The following TBCB variants were observed in gnomAD, a reference collection of about 807,000 sequenced individuals.
TBCB encodes tubulin folding cofactor B, also known as tubulin-folding cofactor B.
TBCB carries 18 observed loss-of-function variants against 29.2 expected under a neutral mutation model. The observed-to-expected ratio is 0.62, with a 90% CI of 0.43 to 0.91. The LOEUF is 0.91. TBCB is among the 40% of genes least tolerant of loss of function. TBCB has a pLI of 0.00. For synonymous variants in TBCB, 172 were observed against 137.8 expected, an observed-to-expected ratio of 1.25 and a Z score of -1.74; for missense variants, 336 against 337.6, an observed-to-expected ratio of 1.00 and a Z score of 0.04.
At chr19:36,117,141 C>G (rs889782968) in intron 2 of TBCB, among the ~76,000 whole-genome samples, 1 of 152,312 alleles carries the variant, frequency 6.6e-6, no homozygotes, top group East Asian at 1.9e-4. Flanking sequence ...TTCCTTTCCC[C>G]TTCTTTGCTT....
chr19:36,119,119 C>T (rs1458797475), intron 2 of TBCB, among the ~76,000 whole-genome samples: 2 of 152,126 alleles, frequency 1.3e-5, no homozygotes, highest in Admixed American at 6.5e-5. Context: ...CACAGACCTC[C>T]CAGGCCACTC....
rs879865520 is a variant in TBCB, at chr19:36,121,728, T to C, written c.547+10T>C. 2 of 1,548,296 alleles carry C rather than the reference T, an allele frequency of 1.3e-6. No individual in the cohort carries two copies. Among genetic ancestry groups the C allele is most frequent in the Non-Finnish European group, 1.7e-6 (2 of 1,146,972 alleles). On this transcript the variant is annotated intron_variant, in intron 4 of 5. Coordinates refer to ENST00000221855, the MANE Select transcript of TBCB (RefSeq NM_001281.3). ...ACCGTCATGTATGTAGGTGCGTGGC[T>C]CGCGGGCCCGGTCCCGGGCTCCAGG...
chr19:36,118,970 G>A (rs575992607), intron 2 of TBCB, among the ~76,000 whole-genome samples: 46 of 152,276 alleles, frequency 3.0e-4, no homozygotes, highest in African/African-American at 9.6e-4. Flanking sequence ...TGGAGCTGTG[G>A]GTCAGGCCTC....
At chr19:36,125,317 A>G in intron 4 of TBCB, 134 bp from the exon 5 acceptor site, 3 of 923,970 alleles carry the variant, frequency 3.2e-6, no homozygotes, top group Non-Finnish European at 5.2e-6. Context: ...GTAGCAATAG[A>G]GGTAGCAAGA....
In TBCB at chr19:36,115,494, G is replaced by GGCGGCGGCTGCGGAGCGGGTGT; in HGVS notation, c.-65_-44dup. On this transcript the variant is annotated 5_prime_UTR_variant, in exon 1 of 6. Transcript: ENST00000221855. ...CTGATAGCCCAGCAGCAGCAGCGGC[G>GGCGGCGGCTGCGGAGCGGGTGT]GCGGCGGCTGCGGAGCGGGTGTGAG... 5 of 1,223,796 alleles carry GGCGGCGGCTGCGGAGCGGGTGT rather than the reference G, an allele frequency of 4.1e-6. No individual in the cohort carries two copies. The highest frequency in any genetic ancestry group is 5.8e-6 in the Non-Finnish European group (5 of 860,422). The allele number at this position is 1,223,796 out of a possible 1,614,324, so 75.8% of individuals were successfully genotyped here.
rs1306360759 is a variant in TBCB, at chr19:36,121,597, G to GGCCGAGGCC, written c.430_438dup (p.Glu144_Ala146dup). 15 of 1,554,752 alleles carry GGCCGAGGCC rather than the reference G, an allele frequency of 9.6e-6. No individual in the cohort carries two copies. The highest frequency in any genetic ancestry group is 1.3e-5 in the Non-Finnish European group (15 of 1,150,916). On this transcript the variant is annotated inframe_insertion, in exon 4 of 6. Coordinates refer to ENST00000221855, the MANE Select transcript of TBCB (RefSeq NM_001281.3). ...ACGAGGAGGAGCGGGCTCAGCAGGAGGCCGAGGCCGCCCAGCGCCTGGCCG... is the reference window on the plus strand; with the variant it reads ...ACGAGGAGGAGCGGGCTCAGCAGGAGGCCGAGGCCGCCGAGGCCGCCCAGCGCCTGGCCG...
chr19:36,119,893 CAA>C (rs574254238), intron 2 of TBCB, among the ~76,000 whole-genome samples: 21 of 122,116 alleles, frequency 1.7e-4, no homozygotes, highest in Non-Finnish European at 2.1e-4. Context: ...GAGACTCCGT[CAA>C]AAAAAAAAAA....
intron 2 of TBCB, among the ~76,000 whole-genome samples, chr19:36,119,079 G>T (rs182212578): frequency 3.0e-4 from 46 of 152,292 alleles, no homozygotes; most frequent in Middle Eastern, 3.4e-3. Flanking sequence ...GCATCTTTGA[G>T]CAGGTTTCAT....
rs1301250203 is a variant in TBCB, at chr19:36,116,158, C to G, written c.232C>G (p.Pro78Ala). 6.2e-7 allele frequency: 1 copy of G among 1,614,016 alleles called. No homozygotes were observed. The highest frequency in any genetic ancestry group is 2.2e-5 in the East Asian group (1 of 44,890). The change falls in exon 2 of 6, where the codon CCT becomes GCT. Residue 78 changes from proline to alanine, a missense_variant. Pro to Ala is a conservative substitution (Grantham distance 27, BLOSUM62 -1). Transcript: ENST00000221855. ...AGAGGATGCGCTCCTGGGCTCCTAC[C>G]CTGTAGATGACGGCTGCCGCATCCA... ...DQEDALLGSY[P>A]VDDGCRIHVI...
At chr19:36,123,144 T>C (rs1031491979) in intron 4 of TBCB, among the ~76,000 whole-genome samples, 12 of 152,164 alleles carry the variant, frequency 7.9e-5, no homozygotes, top group African/African-American at 2.9e-4. Flanking sequence ...TGTTGCCAAA[T>C]AGTCCTGCAT....
chr19:36,120,951 G>A, intron 3 of TBCB, 145 bp downstream of exon 3: 1 of 738,816 alleles, frequency 1.4e-6, no homozygotes, highest in Non-Finnish European at 2.2e-6. Context: ...TAGGGGTGAG[G>A]CTGGGAGTGG....
At chr19:36,125,630 G>A (rs1419421507) in intron 5 of TBCB, 38 bp from the exon 6 acceptor site, 1 of 1,605,698 alleles carries the variant, frequency 6.2e-7, no homozygotes, top group African/African-American at 1.3e-5. Context: ...GCCATGTGAG[G>A]GTCCTCTGAC....
At chr19:36,122,801 T>C (rs1485721397) in intron 4 of TBCB, among the ~76,000 whole-genome samples, 1 of 151,754 alleles carries the variant, frequency 6.6e-6, no homozygotes, top group Non-Finnish European at 1.5e-5. Context: ...TATGTATTGT[T>C]ACATGGGTGT....
intron 4 of TBCB, chr19:36,121,945 G>A (rs1327094079): frequency 1.3e-5 from 8 of 626,598 alleles, no homozygotes; most frequent in South Asian, 2.0e-5. Context: ...TCTGTCCAGC[G>A]AGGGAGGAAG....
intron 4 of TBCB, chr19:36,121,971 CG>C: frequency 1.7e-6 from 1 of 578,596 alleles, no homozygotes; most frequent in Non-Finnish European, 3.0e-6. Context: ...GCCAGAGGCA[CG>C]CGGCCTGTGC....
At chr19:36,121,324 C>CT (rs1170302271) in intron 3 of TBCB, among the ~76,000 whole-genome samples, 2 of 151,510 alleles carry the variant, frequency 1.3e-5, no homozygotes, top group Non-Finnish European at 2.9e-5. Context: ...GGCGGCACCC[C>CT]TTCCATTTAC....
In TBCB at chr19:36,120,846, A is replaced by G. The variant is rs754433036; in HGVS notation, c.355+40A>G. 12 of 1,598,240 alleles carry G rather than the reference A, an allele frequency of 7.5e-6. No homozygotes were observed. The South Asian group carries it at 1.2e-4, about 16-fold the overall frequency. On this transcript the variant is annotated intron_variant, in intron 3 of 5. Transcript: ENST00000221855. ...GCGTCGAGGGGTGCGTGGGGGCCAG[A>G]GGGAGTATGTGCAGGTATGAGGGCG... is the stretch of plus-strand genomic sequence containing the variant.
intron 4 of TBCB, chr19:36,121,977 C>CT: frequency 1.8e-6 from 1 of 565,302 alleles, no homozygotes; most frequent in Non-Finnish European, 3.1e-6. Flanking sequence ...GGCACGCGGC[C>CT]TGTGCGCTTC....
At chr19:36,115,936 C>T (rs1973943924) in intron 1 of TBCB, 105 bp from the exon 2 acceptor site, 1 of 1,504,734 alleles carries the variant, frequency 6.6e-7, no homozygotes, top group Non-Finnish European at 9.0e-7. Flanking sequence ...CCCGTGCGTC[C>T]TGACTGGGGG....
Sources: gnomAD v4.1 joint callset for allele counts (sites outside exome capture counted in the v4.1 genomes callset) on GRCh38, gnomAD v4.1.1 for gene constraint, MANE v1.5 for transcripts, NCBI Gene and HGNC (gene_info 2026-07-23, HGNC 2026-07-21) for gene names.